Variants in NRXN1 observed in about 807,000 individuals in gnomAD.
NRXN1 encodes the protein neurexin 1.
In NRXN1, 39 loss-of-function variants were observed where a neutral mutation model predicts 150.9. That is an observed-to-expected ratio of 0.26 (90% CI 0.20 to 0.34). The LOEUF (loss-of-function observed/expected upper bound fraction) is 0.34. Among genes scored for constraint, NRXN1 ranks in the 10% least tolerant of loss-of-function variants. NRXN1 has a pLI of 1.00. For synonymous variants in NRXN1, 924 were observed against 757.0 expected, an observed-to-expected ratio of 1.22 and a Z score of -3.62; for missense variants, 1,815 against 1,949.9, an observed-to-expected ratio of 0.93 and a Z score of 1.30.
chr2:50,303,393 A>T (rs998521346), intron 17 of NRXN1, among the ~76,000 whole-genome samples: 3 of 152,204 alleles, frequency 2.0e-5, no homozygotes, highest in Non-Finnish European at 2.9e-5. Flanking sequence ...TGGAACAGAC[A>T]AATTAATTGA....
At chr2:50,802,506 GAAGGAAGGA>G (rs1707745714) in intron 5 of NRXN1, among the ~76,000 whole-genome samples, 1 of 41,100 alleles carries the variant, frequency 2.4e-5, no homozygotes, top group Non-Finnish European at 5.4e-5. Context: ...GAAATGGAAG[GAAGGAAGGA>G]AGGAAGGAAG....
intron 5 of NRXN1, among the ~76,000 whole-genome samples, chr2:50,707,225 A>G (rs1306817908): frequency 3.9e-5 from 6 of 152,174 alleles, no homozygotes; most frequent in Non-Finnish European, 2.9e-5. Context: ...ATGATAAGTG[A>G]TGACCATCCT....
intron 21 of NRXN1, among the ~76,000 whole-genome samples, chr2:49,975,509 C>T (rs1249829236): frequency 1.3e-5 from 2 of 152,038 alleles, no homozygotes; most frequent in Non-Finnish European, 2.9e-5. Flanking sequence ...AAACACATTC[C>T]TGAAAGATTG....
chr2:50,041,861 T>C (rs1050125723), intron 21 of NRXN1, among the ~76,000 whole-genome samples: 4 of 152,152 alleles, frequency 2.6e-5, no homozygotes, highest in African/African-American at 9.6e-5. Context: ...GATGAGACTC[T>C]AGTAAACCTC....
chr2:50,245,984 T>C (rs184692761), intron 17 of NRXN1, among the ~76,000 whole-genome samples: 1 of 152,026 alleles, frequency 6.6e-6, no homozygotes, highest in East Asian at 1.9e-4. Flanking sequence ...AAAAATAAAT[T>C]ATAATTCACA....
chr2:50,212,453 C>G lies in NRXN1; in HGVS notation c.3546+24336G>C, dbSNP rs955830047. ...TACAACTTAAGTCTTGTAAGAGCAT[C>G]GATTTGAGTCTGGTTTTTTTTTTCT... On this transcript the variant is annotated intron_variant, in intron 18 of 22. Transcript: ENST00000401669. 5.3e-5 allele frequency among the ~76,000 whole-genome samples: 8 copies of G among 151,430 alleles called. No individual in the cohort carries two copies. The South Asian group carries it at 8.3e-4, about 16-fold the overall frequency.
intron 18 of NRXN1, among the ~76,000 whole-genome samples, chr2:50,145,897 G>C (rs1707945079): frequency 6.6e-6 from 1 of 151,548 alleles, no homozygotes; most frequent in African/African-American, 2.4e-5. Flanking sequence ...GCTATGGATA[G>C]GTGATATGGT....
At chr2:50,781,686 T>C (rs1704372032) in intron 5 of NRXN1, among the ~76,000 whole-genome samples, 1 of 152,274 alleles carries the variant, frequency 6.6e-6, no homozygotes, top group Non-Finnish European at 1.5e-5. Flanking sequence ...TATAAAGCAA[T>C]TCTCTACAGA....
intron 2 of NRXN1, among the ~76,000 whole-genome samples, chr2:50,974,060 G>A (rs77253112): frequency 2.2e-4 from 33 of 152,182 alleles, no homozygotes; most frequent in Admixed American, 3.3e-4. Flanking sequence ...TGAGAAGTGC[G>A]TTCTACTCTA....
intron 21 of NRXN1, among the ~76,000 whole-genome samples, chr2:50,009,408 G>A (rs901123345): frequency 1.3e-5 from 2 of 152,108 alleles, no homozygotes; most frequent in African/African-American, 2.4e-5. Flanking sequence ...AGAGGCTCAA[G>A]TAACTTAAAA....
chr2:50,844,472 G>T (rs1332984147), intron 5 of NRXN1, among the ~76,000 whole-genome samples: 1 of 152,138 alleles, frequency 6.6e-6, no homozygotes, highest in Non-Finnish European at 1.5e-5. Context: ...ATCATGCCTT[G>T]AAAATGGACC....
At chr2:51,010,666 T>C (rs1425356139) in intron 2 of NRXN1, among the ~76,000 whole-genome samples, 1 of 152,082 alleles carries the variant, frequency 6.6e-6, no homozygotes, top group Non-Finnish European at 1.5e-5. Flanking sequence ...TACATTTTCA[T>C]AGTTACTGTT....
At chr2:50,197,415 T>C (rs2061846241) in intron 18 of NRXN1, among the ~76,000 whole-genome samples, 1 of 152,150 alleles carries the variant, frequency 6.6e-6, no homozygotes, top group African/African-American at 2.4e-5. Flanking sequence ...TGGATTAGTC[T>C]CTGAAGCAAC....
intron 21 of NRXN1, among the ~76,000 whole-genome samples, chr2:49,977,847 C>T (rs898036040): frequency 6.6e-6 from 1 of 152,148 alleles, no homozygotes; most frequent in South Asian, 2.1e-4. Context: ...TATTGCTCTG[C>T]ATGATATTTG....
intron 15 of NRXN1, among the ~76,000 whole-genome samples, chr2:50,481,867 G>C (rs1204678278): frequency 3.2e-5 from 4 of 125,602 alleles, no homozygotes; most frequent in African/African-American, 1.5e-4. Flanking sequence ...CCGGGTTCAC[G>C]CTATTCTCCT....
chr2:50,993,585 T>C (rs1205691373), intron 2 of NRXN1, among the ~76,000 whole-genome samples: 1 of 151,960 alleles, frequency 6.6e-6, no homozygotes, highest in East Asian at 1.9e-4. Context: ...TCCAAATTCT[T>C]TGTCAGCCCC....
Position 50,538,430 on chromosome 2 carries a change from T to C in NRXN1, c.1966A>G (p.Ile656Val). The change falls in exon 10 of 23, where the codon ATC becomes GTC. Residue 656 changes from isoleucine (I) to valine (V), a missense_variant. Transcript: ENST00000401669. ...CTTTGAACTTCAGCCATTTGCCGGA[T>C]ATCTTTGCTTTGGCCATCGATGAAC... ...DLFIDGQSKD[I>V]RQMAEVQSTA... 6.2e-7 allele frequency: 1 copy of C among 1,613,994 alleles called. No homozygotes were observed. The highest frequency in any genetic ancestry group is 8.5e-7 in the Non-Finnish European group (1 of 1,179,882).
At chr2:50,576,909 A>C (rs1365214178) in intron 8 of NRXN1, among the ~76,000 whole-genome samples, 2 of 151,998 alleles carry the variant, frequency 1.3e-5, no homozygotes, top group Non-Finnish European at 2.9e-5. Flanking sequence ...TTGGGGCTTT[A>C]ATTAGTAAAT....
At chr2:50,504,169 C>T (rs2092104672) in intron 13 of NRXN1, among the ~76,000 whole-genome samples, 1 of 134,728 alleles carries the variant, frequency 7.4e-6, no homozygotes, top group Non-Finnish European at 1.6e-5. Context: ...AAATAGCTGG[C>T]CCTAGACTGC....
Sources: gnomAD v4.1 joint callset for allele counts (sites outside exome capture counted in the v4.1 genomes callset) on GRCh38, gnomAD v4.1.1 for gene constraint, MANE v1.5 for transcripts, NCBI Gene and HGNC (gene_info 2026-07-23, HGNC 2026-07-21) for gene names.